The following RTN3 variants were observed in gnomAD, a reference collection of about 807,000 sequenced individuals.
RTN3 encodes the protein reticulon 3, also known as reticulon-3.
RTN3 carries 49 observed loss-of-function variants against 77.8 expected under a neutral mutation model. The observed-to-expected ratio is 0.63, with a 90% CI of 0.50 to 0.80. The LOEUF (loss-of-function observed/expected upper bound fraction) is 0.80. RTN3 is among the 30% of genes least tolerant of loss of function. The pLI, the probability that RTN3 is intolerant of heterozygous loss-of-function variation, is 0.00. For missense variants in RTN3, 1,236 were observed against 1,211.9 expected (o/e 1.02, Z -0.29); for synonymous variants, 464 against 446.9 (o/e 1.04, Z -0.48).
At chr11:63,728,627 C>T (rs1323254957) in intron 3 of RTN3, among the ~76,000 whole-genome samples, 1 of 152,080 alleles carries the variant, frequency 6.6e-6, no homozygotes, top group African/African-American at 2.4e-5. Context: ...CGGTGGCTCA[C>T]GCCTGTAATC....
chr11:63,709,627 CGTTTT>C (rs1942654263), intron 2 of RTN3, among the ~76,000 whole-genome samples: 1 of 151,036 alleles, frequency 6.6e-6, no homozygotes, highest in Non-Finnish European at 1.5e-5. Context: ...ACAAAAGAGA[CGTTTT>C]GTTTAGGATC....
intron 3 of RTN3, among the ~76,000 whole-genome samples, chr11:63,731,893 C>T (rs989823676): frequency 2.6e-4 from 40 of 151,940 alleles, no homozygotes; most frequent in African/African-American, 8.2e-4. Flanking sequence ...CCTTGTGATC[C>T]GTCCACGTTG....
At position 63,704,660 on chromosome 11, in the gene RTN3, T is replaced by C. The variant is rs569830292; in HGVS notation, c.143-191T>C. ...GAATGGATTAACTTTTAGAAATGCA[T>C]CTTGAAAATAAAATAAGGTTTTGCT... is the stretch of plus-strand genomic sequence containing the variant. On this transcript the variant is annotated intron_variant, in intron 1 of 8. Transcript: ENST00000377819. Among the ~76,000 whole-genome samples, 78 of 152,108 alleles carry C rather than the reference T, an allele frequency of 5.1e-4. 4 individuals are homozygous for C. The South Asian group carries it at 0.015, about 30-fold the overall frequency.
At chr11:63,682,330 TG>T (rs1486987975) in intron 1 of RTN3, among the ~76,000 whole-genome samples, 2 of 152,062 alleles carry the variant, frequency 1.3e-5, no homozygotes, top group African/African-American at 4.8e-5. Context: ...CTGTTTTTTT[TG>T]TTTGTTTGTT....
chr11:63,701,235 T>C (rs1352623917), intron 1 of RTN3, among the ~76,000 whole-genome samples: 3 of 152,152 alleles, frequency 2.0e-5, no homozygotes, highest in African/African-American at 7.2e-5. Context: ...TTTCCTGATA[T>C]CAAATGTACA....
At chr11:63,697,179 C>T (rs777516970) in intron 1 of RTN3, among the ~76,000 whole-genome samples, 1 of 151,998 alleles carries the variant, frequency 6.6e-6, no homozygotes, top group East Asian at 1.9e-4. Flanking sequence ...CCATCGCGCC[C>T]GGCCCCGTTG....
chr11:63,740,443 G>C (rs1463587185), intron 3 of RTN3, among the ~76,000 whole-genome samples: 1 of 147,754 alleles, frequency 6.8e-6, no homozygotes, highest in Admixed American at 6.8e-5. Flanking sequence ...CACCATGCCT[G>C]GCTAATTTTT....
intron 3 of RTN3, among the ~76,000 whole-genome samples, chr11:63,746,523 T>G (rs952148110): frequency 3.6e-4 from 54 of 152,074 alleles, no homozygotes; most frequent in African/African-American, 1.3e-3. Context: ...GTTTTTTGTT[T>G]TTTTTTTTTG....
At chr11:63,685,663 G>A (rs1465389405) in intron 1 of RTN3, among the ~76,000 whole-genome samples, 1 of 151,904 alleles carries the variant, frequency 6.6e-6, no homozygotes, top group Non-Finnish European at 1.5e-5. Flanking sequence ...TTAAAATGTA[G>A]ATGCTAAAAA....
chr11:63,719,526 T>G lies in RTN3; in HGVS notation c.1024T>G (p.Trp342Gly). ...MHNFTNEILT[W>G]DLVPQVKQQT... is the part of the protein sequence containing the mutation. ...TAACTTTACTAACGAAATACTGACT[T>G]GGGATCTGGTTCCCCAAGTGAAACA... The change falls in exon 3 of 9, where the codon TGG becomes GGG. Residue 342 changes from tryptophan (W) to glycine (G), a missense_variant. Trp to Gly is a radical substitution (Grantham distance 184). Coordinates refer to ENST00000377819, the MANE Select transcript of RTN3 (RefSeq NM_001265589.2). The G allele has an allele frequency of 1.2e-6, 2 of 1,614,208 alleles. No individual in the cohort carries two copies. Among genetic ancestry groups the G allele is most frequent in the Non-Finnish European group, 1.7e-6 (2 of 1,180,042 alleles).
intron 1 of RTN3, among the ~76,000 whole-genome samples, chr11:63,695,437 C>A (rs1384233473): frequency 6.6e-6 from 1 of 152,168 alleles, no homozygotes; most frequent in Non-Finnish European, 1.5e-5. Context: ...TTAACTCCTC[C>A]ACCACTTAGG....
rs1171863987 is a variant in RTN3 at position 63,719,881 on chromosome 11, CTT to C, written c.1381_1382del (p.Leu461GlyfsTer13). On this transcript the variant is annotated frameshift_variant, in exon 3 of 9. Coordinates refer to ENST00000377819, the MANE Select transcript of RTN3 (RefSeq NM_001265589.2). LOFTEE classifies it high-confidence loss of function. Reference sequence around the variant, plus strand: ...GGATCTCCACCTGAGAAATGTGACTCTTTGGGTTCTGGAGTGGCCACAGTGAA... The same window carrying C: ...GGATCTCCACCTGAGAAATGTGACTCTGGGTTCTGGAGTGGCCACAGTGAA... 2 of 1,614,006 alleles carry C rather than the reference CTT, an allele frequency of 1.2e-6. No individual in the cohort carries two copies. Among genetic ancestry groups the C allele is most frequent in the African/African-American group, 1.3e-5 (1 of 74,914 alleles).
chr11:63,685,883 G>A (rs946311785), intron 1 of RTN3, among the ~76,000 whole-genome samples: 3 of 152,146 alleles, frequency 2.0e-5, no homozygotes, highest in African/African-American at 7.2e-5. Flanking sequence ...ACTATATACA[G>A]GTCAAGAATG....
chr11:63,697,337 A>T (rs1351711930), intron 1 of RTN3, among the ~76,000 whole-genome samples: 1 of 140,124 alleles, frequency 7.1e-6, no homozygotes, highest in Non-Finnish European at 1.6e-5. Flanking sequence ...ATAGAGCCTC[A>T]CTCTGTCGCC....
At chr11:63,732,599 A>G (rs930426898) in intron 3 of RTN3, among the ~76,000 whole-genome samples, 1 of 152,186 alleles carries the variant, frequency 6.6e-6, no homozygotes, top group Non-Finnish European at 1.5e-5. Flanking sequence ...GAACAATTTT[A>G]TGCCAACAGA....
intron 3 of RTN3, among the ~76,000 whole-genome samples, chr11:63,733,065 A>G (rs2012805968): frequency 6.6e-6 from 1 of 152,192 alleles, no homozygotes; most frequent in African/African-American, 2.4e-5. Context: ...CTATAATCCT[A>G]GCACTTTGGG....
At position 63,716,097 on chromosome 11, in the gene RTN3, A is replaced by G. The variant is rs148435118; in HGVS notation, c.200-2605A>G. ...ACCAAGCTTTTACAGTTTTCCTTGA[A>G]TGTACAAAGACTTTTTATTCTAATA... is the stretch of plus-strand genomic sequence containing the variant. On this transcript the variant is annotated intron_variant, in intron 2 of 8. Transcript: ENST00000377819. Among the ~76,000 whole-genome samples, 326 of 152,306 alleles carry G rather than the reference A, an allele frequency of 2.1e-3. 1 individual carries two copies. Among genetic ancestry groups the G allele is most frequent in the African/African-American group, 7.7e-3 (319 of 41,570 alleles).
intron 1 of RTN3, 23 bp from the exon 2 acceptor site, chr11:63,704,828 T>C: frequency 1.3e-6 from 2 of 1,570,868 alleles, no homozygotes; most frequent in South Asian, 1.1e-5. Context: ...TGTCATATTC[T>C]CATGCTGTAT....
intron 1 of RTN3, among the ~76,000 whole-genome samples, chr11:63,687,221 CTG>C (rs1941420820): frequency 6.6e-6 from 1 of 152,154 alleles, no homozygotes. Context: ...AATCCTGGCC[CTG>C]TCTCTTAATA....
Sources: allele counts gnomAD v4.1 joint callset (sites outside exome capture counted in the v4.1 genomes callset), GRCh38; gene constraint gnomAD v4.1.1; transcripts MANE v1.5; gene names NCBI Gene and HGNC (gene_info 2026-07-23, HGNC 2026-07-21).